ZNF469: variants seen among roughly 807,000 people sequenced by gnomAD.
The protein encoded by ZNF469 is zinc finger protein 469.
Under a neutral mutation model 1.0 loss-of-function variants are expected in ZNF469, and 1 was observed. The ratio of observed to expected loss-of-function variants is 1.00; its 90% CI spans 0.35 to 4.73. The LOEUF is 4.73. Ranked by LOEUF, ZNF469 falls within the 30% of genes most tolerant of loss-of-function variation. ZNF469 has a pLI of 0.16. For synonymous variants in ZNF469, 2,703 were observed against 2,363.4 expected, an observed-to-expected ratio of 1.14 and a Z score of -4.17; for missense variants, 6,100 against 5,356.3, an observed-to-expected ratio of 1.14 and a Z score of -4.33.
Position 88,430,819 on chromosome 16 carries a change from C to A in ZNF469, c.3349C>A (p.Arg1117=). 6.5e-7 allele frequency: 1 copy of A among 1,533,022 alleles called. No homozygotes were observed. The highest frequency in any genetic ancestry group is 1.4e-5 in the African/African-American group (1 of 72,704). 95.0% of individuals were successfully genotyped at this position (1,533,022 alleles called of 1,614,324 possible). The change falls in exon 3 of 3, where the codon CGA becomes AGA. Residue 1117 remains arginine, a synonymous_variant. Coordinates refer to ENST00000565624, the MANE Select transcript of ZNF469 (RefSeq NM_001367624.2). ...RGPGFRGRRG[R]GEKRKEVELT... is the part of the protein sequence containing the mutation. ...CCCCGGCTTCAGAGGCCGGCGGGGC[C>A]GAGGCGAGAAGAGGAAGGAAGTGGA...
chr16:88,439,458 C>A lies in ZNF469; in HGVS notation c.*126C>A. 3 of 1,060,922 alleles carry A rather than the reference C, an allele frequency of 2.8e-6. No individual in the cohort carries two copies. Among genetic ancestry groups the A allele is most frequent in the South Asian group, 2.9e-5 (2 of 69,840 alleles). 65.7% of individuals were successfully genotyped at this position (1,060,922 alleles called of 1,614,324 possible). A position where few individuals can be genotyped will look rare whatever the true frequency, so the allele number is the denominator to read the frequency against. On this transcript the variant is annotated 3_prime_UTR_variant, in exon 3 of 3. Coordinates refer to ENST00000565624, the MANE Select transcript of ZNF469 (RefSeq NM_001367624.2). ...TTGACTTCTTGTGCAACTGCTCAGG[C>A]CTTGATGTCAGAGCTGAGGTGGTGA...
chr16:88,345,919 A>G, the ZNF469 span, among the ~76,000 whole-genome samples: 1 of 152,136 alleles, frequency 6.6e-6, no homozygotes, highest in Non-Finnish European at 1.5e-5. Context: ...CCCTCGTCGA[A>G]TATCACTACA....
At chr16:88,300,785 C>T in the ZNF469 span, among the ~76,000 whole-genome samples, 1 of 152,110 alleles carries the variant, frequency 6.6e-6, no homozygotes, top group South Asian at 2.1e-4. Flanking sequence ...CTGTTAGAGG[C>T]CGGGTGCGGT....
chr16:88,219,628 T>C, the ZNF469 span, among the ~76,000 whole-genome samples: 1 of 151,190 alleles, frequency 6.6e-6, no homozygotes, highest in Admixed American at 6.6e-5. Flanking sequence ...TCAAGATGGA[T>C]TAAAGACTTA....
chr16:88,418,926 T>A (rs1046702206), intron 1 of ZNF469, among the ~76,000 whole-genome samples: 2 of 152,254 alleles, frequency 1.3e-5, no homozygotes, highest in Non-Finnish European at 2.9e-5. Context: ...CGGCGAGGAC[T>A]ACAGACGGGA....
intron 1 of ZNF469, among the ~76,000 whole-genome samples, chr16:88,394,604 G>A (rs1014811835): frequency 1.4e-4 from 22 of 152,154 alleles, no homozygotes; most frequent in African/African-American, 3.9e-4. Context: ...TGACACTCCC[G>A]GCCCCTCCCC....
At chr16:88,369,080 A>C in the ZNF469 span, among the ~76,000 whole-genome samples, 184 of 147,784 alleles carry the variant, frequency 1.2e-3, no homozygotes, top group Middle Eastern at 3.5e-3. Context: ...TTCTGTCTCA[A>C]AAAAAAAAAA....
the ZNF469 span, among the ~76,000 whole-genome samples, chr16:88,123,294 C>T: frequency 7.9e-5 from 12 of 152,108 alleles, no homozygotes; most frequent in Admixed American, 2.0e-4. Context: ...TTTCACCCAG[C>T]GGAGCATCGA....
the ZNF469 span, among the ~76,000 whole-genome samples, chr16:88,372,992 G>T: frequency 6.6e-6 from 1 of 151,886 alleles, no homozygotes; most frequent in Non-Finnish European, 1.5e-5. Flanking sequence ...CACCATCATT[G>T]TCTCCATCAT....
chr16:88,352,645 C>T, the ZNF469 span, among the ~76,000 whole-genome samples: 20 of 152,382 alleles, frequency 1.3e-4, no homozygotes, highest in East Asian at 3.7e-3. Context: ...ACTTTGGTAC[C>T]AAACCTGCCG....
chr16:88,427,346 C>A lies in ZNF469; in HGVS notation c.-125C>A. 9.5e-7 allele frequency: 1 copy of A among 1,049,208 alleles called. No homozygotes were observed. The highest frequency in any genetic ancestry group is 1.3e-6 in the Non-Finnish European group (1 of 759,426). The allele number at this position is 1,049,208 out of a possible 1,614,324, so 65.0% of individuals were successfully genotyped here. A position where few individuals can be genotyped will look rare whatever the true frequency, so the allele number is the denominator to read the frequency against. On this transcript the variant is annotated splice_region_variant and 5_prime_UTR_variant, in exon 3 of 3. Transcript: ENST00000565624. The stretch of plus-strand genomic sequence containing the variant: ...CTCACCCCTGACCTTTCCTTCCAGG[C>A]TCCACTCAGGACCATGAGCGCAGGC...
the ZNF469 span, among the ~76,000 whole-genome samples, chr16:88,124,596 T>C: frequency 1.3e-5 from 2 of 151,762 alleles, no homozygotes; most frequent in African/African-American, 4.8e-5. Context: ...TTTTTGGTTT[T>C]TTTTTGAGAT....
chr16:88,261,145 C>T, the ZNF469 span, among the ~76,000 whole-genome samples: 1 of 152,212 alleles, frequency 6.6e-6, no homozygotes, highest in Non-Finnish European at 1.5e-5. The surrounding 1 kb of genome is among the most constrained non-coding windows in gnomAD (Gnocchi z 6.0). Flanking sequence ...CGATCTCACG[C>T]ATGGTGGGCG....
chr16:88,106,833 C>T, the ZNF469 span, among the ~76,000 whole-genome samples: 2 of 152,258 alleles, frequency 1.3e-5, no homozygotes, highest in Non-Finnish European at 2.9e-5. Context: ...GTGAATTGAG[C>T]TGAAGCCATC....
the ZNF469 span, among the ~76,000 whole-genome samples, chr16:88,332,363 G>A: frequency 6.6e-6 from 1 of 152,208 alleles, no homozygotes; most frequent in Admixed American, 6.5e-5. Context: ...CCTGAGGCCT[G>A]GAAGCACCCG....
At chr16:88,245,958 G>T in the ZNF469 span, among the ~76,000 whole-genome samples, 1 of 152,288 alleles carries the variant, frequency 6.6e-6, no homozygotes, top group East Asian at 1.9e-4. Context: ...TCAGCAGCTG[G>T]AATGGTTGCT....
At chr16:88,193,053 GGTGA>G in the ZNF469 span, among the ~76,000 whole-genome samples, 2 of 149,920 alleles carry the variant, frequency 1.3e-5, no homozygotes, top group Admixed American at 1.3e-4. Flanking sequence ...TGGTGATGAT[GGTGA>G]TGGTGGTGAT....
the ZNF469 span, among the ~76,000 whole-genome samples, chr16:88,112,315 G>A: frequency 2.3e-3 from 346 of 152,300 alleles, 1 homozygote; most frequent in African/African-American, 7.9e-3. Context: ...TGGTATTGCT[G>A]GATCCTATGG....
At chr16:88,163,497 A>AATGG in the ZNF469 span, among the ~76,000 whole-genome samples, 1,409 of 135,348 alleles carry the variant, frequency 0.01, 17 homozygotes, top group East Asian at 0.062. Flanking sequence ...AGGATGGATG[A>AATGG]ATGGATGGAT....
Sources: gnomAD v4.1 joint callset for allele counts (sites outside exome capture counted in the v4.1 genomes callset) on GRCh38, gnomAD v4.1.1 for gene constraint, Gnocchi (gnomAD v3.1) non-coding constraint, MANE v1.5 for transcripts, NCBI Gene and HGNC (gene_info 2026-07-23, HGNC 2026-07-21) for gene names.